PDLIM5: variants seen among roughly 807,000 people sequenced by gnomAD.
The protein encoded by PDLIM5 is PDZ and LIM domain 5, also known as PDZ and LIM domain protein 5.
Under a neutral mutation model 64.2 loss-of-function variants are expected in PDLIM5, and 34 were observed. That is an observed-to-expected ratio of 0.53 (90% CI 0.40 to 0.71). The LOEUF is 0.71. Ranked by LOEUF, PDLIM5 falls within the 30% of genes least tolerant of loss-of-function variation. PDLIM5 has a pLI of 0.00. For synonymous variants in PDLIM5, 253 were observed against 269.1 expected, an observed-to-expected ratio of 0.94 and a Z score of 0.59; for missense variants, 683 against 733.6, an observed-to-expected ratio of 0.93 and a Z score of 0.80.
At chr4:94,486,482 C>A in intron 2 of PDLIM5, among the ~76,000 whole-genome samples, 1 of 152,114 alleles carries the variant, frequency 6.6e-6, no homozygotes, top group Non-Finnish European at 1.5e-5. Context: ...TACTTTTCAT[C>A]CCCTTTTTTC....
chr4:94,540,557 G>GA (rs1291854583), intron 3 of PDLIM5, among the ~76,000 whole-genome samples: 1 of 152,102 alleles, frequency 6.6e-6, no homozygotes, highest in East Asian at 1.9e-4. Context: ...CCAGTTAGAG[G>GA]AGACTGTTTC....
chr4:94,582,975 T>C (rs1164237317), intron 5 of PDLIM5: 3 of 444,526 alleles, frequency 6.7e-6, no homozygotes, highest in Non-Finnish European at 1.2e-5. Flanking sequence ...GAGATATAGA[T>C]GAGTATTATG....
At chr4:94,612,253 A>C (rs542794740) in intron 7 of PDLIM5, among the ~76,000 whole-genome samples, 1 of 151,988 alleles carries the variant, frequency 6.6e-6, no homozygotes, top group Non-Finnish European at 1.5e-5. Context: ...ACAAACAAAA[A>C]ATATATATAT....
Position 94,549,363 on chromosome 4 carries a change from G to A in PDLIM5, c.249-23988G>A, listed in dbSNP as rs559187282. Among the ~76,000 whole-genome samples, 8 of 152,170 alleles carry A rather than the reference G, an allele frequency of 5.3e-5. No homozygotes were observed. The South Asian group carries it at 8.3e-4, about 16-fold the overall frequency. ...GTATGTATTCCTAGAAAAGGCCTTC[G>A]ATAGGACGTCTGTAGGGTTATTCCC... On this transcript the variant is annotated intron_variant, in intron 3 of 12. Coordinates refer to ENST00000317968, the MANE Select transcript of PDLIM5 (RefSeq NM_006457.5).
chr4:94,468,161 CT>C (rs951299432), intron 2 of PDLIM5, among the ~76,000 whole-genome samples: 3 of 148,566 alleles, frequency 2.0e-5, no homozygotes, highest in Non-Finnish European at 3.0e-5. Flanking sequence ...CCTCTATGCA[CT>C]TTTTTTTTTG....
At position 94,501,513 on chromosome 4, in the gene PDLIM5, A is replaced by T. The variant is rs72876241; in HGVS notation, c.97-22211A>T. Among the ~76,000 whole-genome samples, 458 of 152,296 alleles carry T rather than the reference A, an allele frequency of 3.0e-3. 1 individual carries two copies. The Middle Eastern group carries it at 0.031, about 10-fold the overall frequency. On this transcript the variant is annotated intron_variant, in intron 2 of 12. Transcript: ENST00000317968. ...AGAAATTGAGAGTAAGAATTTAGAA[A>T]TTTTTATAGCAATTTGACAGTAATT... is the stretch of plus-strand genomic sequence containing the variant.
At chr4:94,486,740 G>C (rs1207028530) in intron 2 of PDLIM5, among the ~76,000 whole-genome samples, 1 of 152,178 alleles carries the variant, frequency 6.6e-6, no homozygotes, top group African/African-American at 2.4e-5. Context: ...AATGGCTCAT[G>C]CCTGCAATCC....
At chr4:94,651,838 C>T (rs1741867306) in intron 9 of PDLIM5, among the ~76,000 whole-genome samples, 1 of 152,140 alleles carries the variant, frequency 6.6e-6, no homozygotes, top group East Asian at 1.9e-4. Context: ...GCAGGAAGAG[C>T]AAGGGTGAAT....
At chr4:94,459,512 A>G (rs1388931797) in intron 2 of PDLIM5, among the ~76,000 whole-genome samples, 2 of 152,218 alleles carry the variant, frequency 1.3e-5, no homozygotes, top group Non-Finnish European at 2.9e-5. Context: ...CAGAACAGAG[A>G]AGGACAGAAT....
intron 2 of PDLIM5, among the ~76,000 whole-genome samples, chr4:94,478,988 C>T (rs1321918989): frequency 6.8e-6 from 1 of 146,426 alleles, no homozygotes; most frequent in Non-Finnish European, 1.5e-5. Flanking sequence ...CAGCCTTAAC[C>T]TGCTGAGCTC....
intron 11 of PDLIM5, among the ~76,000 whole-genome samples, chr4:94,662,193 A>C (rs895774151): frequency 6.6e-6 from 1 of 152,006 alleles, no homozygotes; most frequent in African/African-American, 2.4e-5. Context: ...GAAAATTATA[A>C]TCAAGAATGT....
At chr4:94,611,236 C>T (rs2110376454) in intron 7 of PDLIM5, 1 of 1,512,124 alleles carries the variant, frequency 6.6e-7, no homozygotes. Flanking sequence ...TGGTGGTTCG[C>T]TGTTAAGCAT....
intron 8 of PDLIM5, among the ~76,000 whole-genome samples, chr4:94,633,045 A>G (rs905922121): frequency 2.0e-5 from 3 of 152,258 alleles, no homozygotes; most frequent in African/African-American, 7.2e-5. Context: ...TGGGTATTTC[A>G]TGATATTAAG....
At chr4:94,619,224 C>T (rs547571054) in intron 8 of PDLIM5, among the ~76,000 whole-genome samples, 1 of 152,296 alleles carries the variant, frequency 6.6e-6, no homozygotes, top group South Asian at 2.1e-4. Context: ...TTCTCTGTGT[C>T]ATCAGAGCCA....
intron 9 of PDLIM5, among the ~76,000 whole-genome samples, chr4:94,649,986 G>A (rs1021965945): frequency 3.9e-5 from 6 of 152,180 alleles, no homozygotes; most frequent in South Asian, 2.1e-4. Context: ...CCCTTTAAAT[G>A]TAGTATGTTA....
At chr4:94,460,935 A>G (rs1723822519) in intron 2 of PDLIM5, among the ~76,000 whole-genome samples, 1 of 152,168 alleles carries the variant, frequency 6.6e-6, no homozygotes, top group South Asian at 2.1e-4. Context: ...TTTTTTTAGA[A>G]CTTCTGAGGC....
At position 94,640,416 on chromosome 4, in the gene PDLIM5, A is replaced by G; in HGVS notation, c.1249A>G (p.Thr417Ala). The change falls in exon 9 of 13, where the codon ACT (threonine) becomes GCT (alanine). Residue 417 changes from threonine to alanine, a missense_variant. Coordinates refer to ENST00000317968, the MANE Select transcript of PDLIM5 (RefSeq NM_006457.5). Reference sequence around the variant, plus strand: ...TGAGCACATTCCAGCAGGGAAACGAACTCCGATGTGCGCCCATTGTAACCA... The same window carrying G: ...TGAGCACATTCCAGCAGGGAAACGAGCTCCGATGTGCGCCCATTGTAACCA... Reference protein sequence around the residue: ...RAEHIPAGKRTPMCAHCNQVI... With the variant: ...RAEHIPAGKRAPMCAHCNQVI... 6.2e-7 allele frequency: 1 copy of G among 1,607,742 alleles called. No homozygotes were observed. The highest frequency in any genetic ancestry group is 8.5e-7 in the Non-Finnish European group (1 of 1,176,590).
chr4:94,643,074 T>A (rs10014050), intron 9 of PDLIM5, among the ~76,000 whole-genome samples: 34,671 of 152,100 alleles, frequency 0.23, 4,327 homozygotes, highest in African/African-American at 0.33. Flanking sequence ...TTATTTTTTT[T>A]TTTTCAGCAG....
At chr4:94,573,035 TG>T (rs1049125549) in intron 3 of PDLIM5, among the ~76,000 whole-genome samples, 7 of 152,186 alleles carry the variant, frequency 4.6e-5, no homozygotes, top group Middle Eastern at 3.4e-3. Flanking sequence ...CCCTTTTAGG[TG>T]GGGGGTATCC....
Sources: gnomAD v4.1 joint callset for allele counts (sites outside exome capture counted in the v4.1 genomes callset) on GRCh38, gnomAD v4.1.1 for gene constraint, MANE v1.5 for transcripts, NCBI Gene and HGNC (gene_info 2026-07-23, HGNC 2026-07-21) for gene names.